The following PPP1R11 variants were observed in gnomAD, a reference collection of about 807,000 sequenced individuals.
The protein encoded by PPP1R11 is protein phosphatase 1 regulatory inhibitor subunit 11, also known as E3 ubiquitin-protein ligase PPP1R11.
PPP1R11 carries 10 observed loss-of-function variants against 11.3 expected under a neutral mutation model. The observed-to-expected ratio is 0.88, with a 90% CI of 0.55 to 1.50. The LOEUF is 1.50. Ranked by LOEUF, PPP1R11 falls within the 40% of genes most tolerant of loss-of-function variation. PPP1R11 has a pLI of 0.00. For synonymous variants in PPP1R11, 56 were observed against 62.3 expected (o/e 0.90, Z 0.48); for missense variants, 114 against 179.1 (o/e 0.64, Z 2.07).
chr6:30,065,510 T>C (rs1251176283), upstream of PPP1R11, among the ~76,000 whole-genome samples: 1 of 152,212 alleles, frequency 6.6e-6, no homozygotes, highest in Non-Finnish European at 1.5e-5. The surrounding 1 kb of genome is among the most constrained non-coding windows in gnomAD (Gnocchi z 5.3). Context: ...GTATTATAAG[T>C]ATATAATACA....
At chr6:30,061,597 T>TC in the PPP1R11 span, 1 of 1,613,102 alleles carries the variant, frequency 6.2e-7, no homozygotes. The surrounding 1 kb of genome is among the most constrained non-coding windows in gnomAD (Gnocchi z 5.0). Flanking sequence ...AGATTGCGGC[T>TC]CGGTCCTGCC....
rs1765825816 is a variant in PPP1R11 at position 30,070,272 on chromosome 6, C to T, written c.*966C>T. The stretch of plus-strand genomic sequence containing the variant: ...GTTACAGAGATCAGTCAAATCCATA[C>T]CACCACTGAGATCTCATTTATTGCC... On this transcript the variant is annotated 3_prime_UTR_variant, in exon 3 of 3. Coordinates refer to ENST00000376772, the MANE Select transcript of PPP1R11 (RefSeq NM_021959.3). 2 of 156,062 alleles carry T rather than the reference C, an allele frequency of 1.3e-5. No homozygotes were observed. Among genetic ancestry groups the T allele is most frequent in the African/African-American group, 4.8e-5 (2 of 41,454 alleles). 9.7% of individuals were successfully genotyped at this position (156,062 alleles called of 1,614,324 possible).
upstream of PPP1R11, chr6:30,062,042 G>C (rs1406690412): frequency 1.2e-6 from 2 of 1,601,384 alleles, no homozygotes; most frequent in Non-Finnish European, 8.6e-7. Context: ...TCAAGAACTG[G>C]CTCCATAAGG....
rs1227965948 is a variant in PPP1R11 at position 30,067,386 on chromosome 6, C to T, written c.-25C>T. The T allele has an allele frequency of 6.2e-7, 1 of 1,609,260 alleles. No individual in the cohort carries two copies. Among genetic ancestry groups the T allele is most frequent in the Non-Finnish European group, 8.5e-7 (1 of 1,175,888 alleles). On this transcript the variant is annotated 5_prime_UTR_variant, in exon 1 of 3. Coordinates refer to ENST00000376772, the MANE Select transcript of PPP1R11 (RefSeq NM_021959.3). Reference sequence around the variant, plus strand: ...AGGGTGTCTCATCCCCCTTCCTCCTCTCCTCCCTGTCCTGAGCCTTAGCCA... The same window carrying T: ...AGGGTGTCTCATCCCCCTTCCTCCTTTCCTCCCTGTCCTGAGCCTTAGCCA...
chr6:30,064,713 A>T, upstream of PPP1R11: 1 of 1,608,446 alleles, frequency 6.2e-7, no homozygotes, highest in Non-Finnish European at 8.5e-7. Flanking sequence ...TTCCTGGGCA[A>T]CTCTACAGTC....
chr6:30,066,000 C>A (rs535318748), upstream of PPP1R11, among the ~76,000 whole-genome samples: 170 of 152,268 alleles, frequency 1.1e-3, 1 homozygote, highest in African/African-American at 3.5e-3. The surrounding 1 kb of genome is among the most constrained non-coding windows in gnomAD (Gnocchi z 5.3). Context: ...ATATTCAGAG[C>A]TCTCAAACAT....
At chr6:30,062,714 CTTTTTTTTTTTTTTTTTTTT>C (rs9278555), upstream of PPP1R11, among the ~76,000 whole-genome samples, 2 of 42,378 alleles carry the variant, frequency 4.7e-5, no homozygotes, top group Non-Finnish European at 8.4e-5. Context: ...CCACGCCTGG[CTTTTTTTTTTTTTTTTTTTT>C]TTTTTTTTTG....
chr6:30,061,524 C>T, the PPP1R11 span: 2 of 1,613,048 alleles, frequency 1.2e-6, no homozygotes, highest in South Asian at 2.2e-5. The surrounding 1 kb of genome is among the most constrained non-coding windows in gnomAD (Gnocchi z 5.0). Context: ...GACCCGACCG[C>T]ATGTCTGTCA....
At chr6:30,062,216 C>T, upstream of PPP1R11, 1 of 1,610,728 alleles carries the variant, frequency 6.2e-7, no homozygotes, top group Non-Finnish European at 8.5e-7. Flanking sequence ...CCACCAGTTT[C>T]TTCCCAGGTT....
chr6:30,067,168 T>C, upstream of PPP1R11: 1 of 446,022 alleles, frequency 2.2e-6, no homozygotes, highest in Admixed American at 3.9e-5. Flanking sequence ...TTTGGTGCCG[T>C]GGAAGGGAAA....
chr6:30,061,626 T>C, the PPP1R11 span: 1 of 1,613,082 alleles, frequency 6.2e-7, no homozygotes. The surrounding 1 kb of genome is among the most constrained non-coding windows in gnomAD (Gnocchi z 5.0). Context: ...GGGCTCAGGA[T>C]ACGGTCACCT....
upstream of PPP1R11, chr6:30,064,744 G>A: frequency 6.3e-7 from 1 of 1,580,806 alleles, no homozygotes; most frequent in African/African-American, 1.4e-5. Flanking sequence ...TTCGGAAGGT[G>A]AAGGATACTG....
At chr6:30,061,546 A>G in the PPP1R11 span, 1 of 1,613,098 alleles carries the variant, frequency 6.2e-7, no homozygotes, top group Non-Finnish European at 8.5e-7. The surrounding 1 kb of genome is among the most constrained non-coding windows in gnomAD (Gnocchi z 5.0). Context: ...GGACCTCGCC[A>G]ATACTTGCTC....
At chr6:30,068,733 T>A (rs1338193486) in intron 2 of PPP1R11, 35 bp downstream of exon 2, 2 of 1,556,154 alleles carry the variant, frequency 1.3e-6, no homozygotes, top group Non-Finnish European at 1.8e-6. Context: ...GCCCTGGAGT[T>A]CTGGCTCCCT....
chr6:30,068,306 C>A (rs9261285), intron 1 of PPP1R11: 15,641 of 282,414 alleles, frequency 0.055, 542 homozygotes, highest in East Asian at 0.077. Context: ...GACGGAGAAA[C>A]AGCAAGGATT....
chr6:30,067,608 G>A, intron 1 of PPP1R11, 129 bp downstream of exon 1: 1 of 1,189,118 alleles, frequency 8.4e-7, no homozygotes. Flanking sequence ...GAATATCTAG[G>A]GCTGGGAGAA....
At chr6:30,062,620 G>T (rs923573753), upstream of PPP1R11, among the ~76,000 whole-genome samples, 7 of 121,642 alleles carry the variant, frequency 5.8e-5, no homozygotes, top group African/African-American at 2.2e-4. Flanking sequence ...AGGCAATCTT[G>T]GCTCACTGCA....
At chr6:30,063,797 A>G (rs1034840949), upstream of PPP1R11, among the ~76,000 whole-genome samples, 2 of 152,170 alleles carry the variant, frequency 1.3e-5, no homozygotes, top group African/African-American at 2.4e-5. The surrounding 1 kb of genome is among the most constrained non-coding windows in gnomAD (Gnocchi z 4.1). Context: ...AATTACTTTA[A>G]ATAAATTCTT....
chr6:30,064,697 AC>A, upstream of PPP1R11: 3 of 1,608,828 alleles, frequency 1.9e-6, no homozygotes, highest in Non-Finnish European at 2.5e-6. Flanking sequence ...AAGACTCTTG[AC>A]CTTTTTCCTG....
Sources: gnomAD v4.1 joint callset for allele counts (sites outside exome capture counted in the v4.1 genomes callset) on GRCh38, gnomAD v4.1.1 for gene constraint, Gnocchi (gnomAD v3.1) non-coding constraint, MANE v1.5 for transcripts, NCBI Gene and HGNC (gene_info 2026-07-23, HGNC 2026-07-21) for gene names.